Variants in MACROD2 observed in about 807,000 individuals in gnomAD.
MACROD2 encodes the protein mono-ADP ribosylhydrolase 2, also known as ADP-ribose glycohydrolase MACROD2.
A neutral mutation model predicts 70.4 loss-of-function variants in MACROD2; 36 were observed. The observed-to-expected ratio is 0.51, with a 90% CI of 0.39 to 0.68. The LOEUF (loss-of-function observed/expected upper bound fraction) is 0.68, where lower values mean the gene tolerates loss of function less well. Among genes scored for constraint, MACROD2 ranks in the 30% least tolerant of loss-of-function variants. The probability of loss-of-function intolerance (pLI) is 0.00; values close to 1 mark genes in which losing one functional copy is unlikely to be tolerated. For synonymous variants in MACROD2, 172 were observed against 178.8 expected, an observed-to-expected ratio of 0.96 and a Z score of 0.30; for missense variants, 496 against 538.4, an observed-to-expected ratio of 0.92 and a Z score of 0.78.
At chr20:14,633,054 G>A (rs1424305049) in intron 4 of MACROD2, among the ~76,000 whole-genome samples, 1 of 152,246 alleles carries the variant, frequency 6.6e-6, no homozygotes, top group Non-Finnish European at 1.5e-5. Context: ...GAGCTCTGCT[G>A]CGTTCCCGCA....
chr20:14,961,873 T>G (rs2074586467), intron 5 of MACROD2, among the ~76,000 whole-genome samples: 1 of 152,216 alleles, frequency 6.6e-6, no homozygotes, highest in Non-Finnish European at 1.5e-5. Flanking sequence ...TGGTAATATC[T>G]TAGAAAACCA....
intron 8 of MACROD2, among the ~76,000 whole-genome samples, chr20:15,776,178 G>A (rs1185595978): frequency 6.6e-6 from 1 of 152,114 alleles, no homozygotes; most frequent in Non-Finnish European, 1.5e-5. Flanking sequence ...GAATTGAATA[G>A]CAGCTACTTC....
At chr20:14,002,790 G>A (rs1004914886) in intron 2 of MACROD2, among the ~76,000 whole-genome samples, 2 of 152,048 alleles carry the variant, frequency 1.3e-5, no homozygotes, top group African/African-American at 4.8e-5. Context: ...GGATACAGCT[G>A]AAAGAGAGAG....
intron 4 of MACROD2, among the ~76,000 whole-genome samples, chr20:14,648,426 C>A (rs889418579): frequency 6.6e-6 from 1 of 152,082 alleles, no homozygotes; most frequent in African/African-American, 2.4e-5. Context: ...TTCCTGAAAT[C>A]TCTGTATTAA....
chr20:14,044,223 A>G (rs945702710), intron 2 of MACROD2, among the ~76,000 whole-genome samples: 2 of 148,470 alleles, frequency 1.3e-5, no homozygotes, highest in Admixed American at 6.7e-5. Flanking sequence ...TGAGTGTTAC[A>G]GCTCTTAAGG....
chr20:14,211,621 A>G (rs1355364123), intron 3 of MACROD2, among the ~76,000 whole-genome samples: 2 of 152,170 alleles, frequency 1.3e-5, no homozygotes, highest in African/African-American at 2.4e-5. Context: ...GCTCTCTGCT[A>G]TCTGCTTTCC....
intron 5 of MACROD2, among the ~76,000 whole-genome samples, chr20:15,179,618 G>A (rs949657046): frequency 6.6e-6 from 1 of 152,162 alleles, no homozygotes; most frequent in Admixed American, 6.5e-5. Flanking sequence ...TCCAAGAACA[G>A]CCTACGGTGC....
chr20:14,691,342 A>G (rs1214883079), intron 5 of MACROD2, among the ~76,000 whole-genome samples: 1 of 152,236 alleles, frequency 6.6e-6, no homozygotes, highest in Non-Finnish European at 1.5e-5. Flanking sequence ...CCTACCCTCT[A>G]TTCCTTGGGA....
At chr20:14,691,500 G>GT (rs2071063730) in intron 5 of MACROD2, among the ~76,000 whole-genome samples, 2 of 152,186 alleles carry the variant, frequency 1.3e-5, no homozygotes, top group South Asian at 4.1e-4. Flanking sequence ...TGGGAAGTGA[G>GT]TAAGTCGAGT....
chr20:16,038,919 T>C lies in MACROD2; in HGVS notation c.1154-2282T>C, dbSNP rs148360763. Among the ~76,000 whole-genome samples the C allele has an allele frequency of 1.3e-3, 205 of 152,116 alleles. 3 individuals carry two copies. The highest frequency in any genetic ancestry group is 4.7e-3 in the African/African-American group (197 of 41,536). ...TAATTAAAAGTTAGACTTCAGGTTT[T>C]TTTAAAGAGATGGTCTATTTCAAGT... On this transcript the variant is annotated intron_variant, in intron 15 of 17. Coordinates refer to ENST00000684519, the MANE Select transcript of MACROD2 (RefSeq NM_001351661.2).
chr20:14,988,499 A>G (rs1366854225), intron 5 of MACROD2, among the ~76,000 whole-genome samples: 3 of 152,128 alleles, frequency 2.0e-5, no homozygotes, highest in Non-Finnish European at 2.9e-5. Context: ...TGACTCTCTT[A>G]CAGATTGTCT....
intron 3 of MACROD2, among the ~76,000 whole-genome samples, chr20:14,463,743 AG>A (rs2084402176): frequency 6.6e-6 from 1 of 151,858 alleles, no homozygotes; most frequent in South Asian, 2.1e-4. Flanking sequence ...TTTAGCATGG[AG>A]GGTTTTTGAA....
intron 5 of MACROD2, among the ~76,000 whole-genome samples, chr20:14,747,832 C>T (rs187121163): frequency 6.6e-6 from 1 of 151,802 alleles, no homozygotes; most frequent in Non-Finnish European, 1.5e-5. Context: ...AGAAAGTGAA[C>T]TTCTAGAAGA....
rs2123105906 is a variant in MACROD2 at position 14,493,526 on chromosome 20, CTTAACTTAAAATACATTTTAA to C, written c.301+21_301+41del. ...AGGAGGTGGTAAGTCCTGAACATCACTTAACTTAAAATACATTTTAATTGTTATACCAACTACAAGATATTT... is the reference window on the plus strand; with the variant it reads ...AGGAGGTGGTAAGTCCTGAACATCACTTGTTATACCAACTACAAGATATTT... On this transcript the variant is annotated intron_variant, in intron 4 of 17. Coordinates refer to ENST00000684519, the MANE Select transcript of MACROD2 (RefSeq NM_001351661.2). 1 of 1,600,398 alleles carries C rather than the reference CTTAACTTAAAATACATTTTAA, an allele frequency of 6.2e-7. No homozygotes were observed. The highest frequency in any genetic ancestry group is 2.2e-5 in the East Asian group (1 of 44,512).
At chr20:15,846,911 TTA>T (rs33993940) in intron 8 of MACROD2, among the ~76,000 whole-genome samples, 166 of 138,084 alleles carry the variant, frequency 1.2e-3, no homozygotes, top group African/African-American at 3.8e-3. Flanking sequence ...AAAAAAAAAA[TTA>T]TATATATATA....
intron 6 of MACROD2, among the ~76,000 whole-genome samples, chr20:15,290,374 G>C (rs1028380228): frequency 6.6e-6 from 1 of 152,126 alleles, no homozygotes; most frequent in Non-Finnish European, 1.5e-5. Context: ...ATTATGCAGA[G>C]TGTTGATTTG....
chr20:14,359,288 G>A (rs1490665020), intron 3 of MACROD2, among the ~76,000 whole-genome samples: 1 of 152,096 alleles, frequency 6.6e-6, no homozygotes, highest in African/African-American at 2.4e-5. Context: ...AAAATTAAGG[G>A]TGGTTATTAC....
At chr20:15,081,615 A>G (rs2075704178) in intron 5 of MACROD2, among the ~76,000 whole-genome samples, 1 of 152,122 alleles carries the variant, frequency 6.6e-6, no homozygotes, top group African/African-American at 2.4e-5. Flanking sequence ...TCTATATCAT[A>G]TGGGCTTAAT....
chr20:14,968,977 G>T (rs1292666092), intron 5 of MACROD2, among the ~76,000 whole-genome samples: 1 of 152,086 alleles, frequency 6.6e-6, no homozygotes, highest in Non-Finnish European at 1.5e-5. Flanking sequence ...CTTTTCAAAA[G>T]AACTAAGTAT....
Sources: allele counts gnomAD v4.1 joint callset (sites outside exome capture counted in the v4.1 genomes callset), GRCh38; gene constraint gnomAD v4.1.1; transcripts MANE v1.5; gene names NCBI Gene and HGNC (gene_info 2026-07-23, HGNC 2026-07-21).